The following FAR1 variants were observed in gnomAD, a reference collection of about 807,000 sequenced individuals.
FAR1 encodes the protein fatty acyl-CoA reductase 1.
FAR1 carries 22 observed loss-of-function variants against 61.1 expected under a neutral mutation model. That is an observed-to-expected ratio of 0.36 (90% CI 0.26 to 0.51). The LOEUF is 0.51. FAR1 is among the 20% of genes least tolerant of loss of function. FAR1 has a pLI of 0.95. For missense variants in FAR1, 359 were observed against 626.9 expected, an observed-to-expected ratio of 0.57 and a Z score of 4.56; for synonymous variants, 206 against 209.7, an observed-to-expected ratio of 0.98 and a Z score of 0.15.
chr11:13,728,651 G>T lies in FAR1; in HGVS notation c.1425G>T (p.Val475=). 6.2e-7 allele frequency: 1 copy of T among 1,612,226 alleles called. No homozygotes were observed. Among genetic ancestry groups the T allele is most frequent in the Non-Finnish European group, 8.5e-7 (1 of 1,178,686 alleles). ...NIRYGFNTIL[V]ILIWRIFIAR... is the part of the protein sequence containing the mutation. ...GTTATGGTTTTAATACTATCCTTGTGATCCTCATCTGGCGCATTTTTATTG... is the reference window on the plus strand; with the variant it reads ...GTTATGGTTTTAATACTATCCTTGTTATCCTCATCTGGCGCATTTTTATTG... Residue 475 remains valine (V), a synonymous_variant, in exon 12 of 12, where the codon GTG becomes GTT. Coordinates refer to ENST00000354817, the MANE Select transcript of FAR1 (RefSeq NM_032228.6).
intron 3 of FAR1, among the ~76,000 whole-genome samples, chr11:13,707,075 A>C (rs546011067): frequency 1.3e-5 from 2 of 152,312 alleles, no homozygotes; most frequent in Admixed American, 1.3e-4. Context: ...ATAGACTTCA[A>C]ATAATTATTT....
At chr11:13,700,212 A>G (rs1848354568) in intron 2 of FAR1, 105 bp from the exon 3 acceptor site, 2 of 809,240 alleles carry the variant, frequency 2.5e-6, no homozygotes, top group Non-Finnish European at 3.9e-6. Flanking sequence ...GTATAGTTTA[A>G]GTTTCTAAAA....
chr11:13,720,347 A>C (rs1393835078), intron 9 of FAR1: 2 of 152,198 alleles, frequency 1.3e-5, no homozygotes, highest in African/African-American at 4.8e-5. Flanking sequence ...ATGTAGTGAC[A>C]AACTTGTTGT....
chr11:13,688,454 T>C lies in FAR1; in HGVS notation c.-7-6305T>C, dbSNP rs528630737. On this transcript the variant is annotated intron_variant, in intron 1 of 11. Coordinates refer to ENST00000354817, the MANE Select transcript of FAR1 (RefSeq NM_032228.6). ...GCTGTTTAGGCTTTGGTAGGGCAGA[T>C]GTCTTGATAACTGAAGGAAGTACAT... Among the ~76,000 whole-genome samples the C allele has an allele frequency of 5.3e-5, 8 of 152,270 alleles. No individual in the cohort carries two copies. The East Asian group carries it at 1.5e-3, about 29-fold the overall frequency.
intron 3 of FAR1, among the ~76,000 whole-genome samples, chr11:13,701,271 A>T (rs1319495876): frequency 6.6e-6 from 1 of 151,924 alleles, no homozygotes; most frequent in Admixed American, 6.5e-5. Context: ...AATAACTAAA[A>T]GGAGGATATT....
At chr11:13,678,569 A>T (rs1162456129) in intron 1 of FAR1, among the ~76,000 whole-genome samples, 3 of 152,096 alleles carry the variant, frequency 2.0e-5, no homozygotes, top group African/African-American at 7.2e-5. Flanking sequence ...ATGCTTTCTA[A>T]ATCATTTATA....
chr11:13,682,752 G>A (rs897073532), intron 1 of FAR1, among the ~76,000 whole-genome samples: 9 of 151,986 alleles, frequency 5.9e-5, no homozygotes, highest in African/African-American at 1.5e-4. Flanking sequence ...AGAATCACAG[G>A]TGTGCACCAC....
At position 13,727,574 on chromosome 11, in the gene FAR1, C is replaced by T. The variant is rs1271953718; in HGVS notation, c.1276C>T (p.Arg426Trp). 1.1e-5 allele frequency: 17 copies of T among 1,605,704 alleles called. No homozygotes were observed. Among genetic ancestry groups the T allele is most frequent in the Non-Finnish European group, 1.3e-5 (15 of 1,175,594 alleles). ...AACGTAGACCTTCAATATTGATGTA[C>T]GGCAGTTACATTGGGCAGAATATAT... ...EDKKTFNIDV[R>W]QLHWAEYIEN... Residue 426 changes from arginine (R) to tryptophan (W), a missense_variant, in exon 11 of 12, where the codon CGG becomes TGG. Coordinates refer to ENST00000354817, the MANE Select transcript of FAR1 (RefSeq NM_032228.6).
intron 1 of FAR1, among the ~76,000 whole-genome samples, chr11:13,676,012 G>A (rs1244439126): frequency 2.6e-5 from 4 of 152,106 alleles, no homozygotes; most frequent in African/African-American, 9.7e-5. Context: ...AAAAATGTAC[G>A]TTCAAATATC....
chr11:13,718,642 AT>A (rs1260357634), intron 9 of FAR1, among the ~76,000 whole-genome samples: 1 of 152,186 alleles, frequency 6.6e-6, no homozygotes, highest in Non-Finnish European at 1.5e-5. Context: ...AGATTTGTTA[AT>A]CTGTTTTACA....
At chr11:13,701,233 A>T (rs1202263737) in intron 3 of FAR1, among the ~76,000 whole-genome samples, 2 of 152,080 alleles carry the variant, frequency 1.3e-5, no homozygotes, top group African/African-American at 2.4e-5. Context: ...GAAATGTAAA[A>T]TGTTGTCTTT....
intron 1 of FAR1, among the ~76,000 whole-genome samples, chr11:13,680,805 C>T (rs1167522810): frequency 6.6e-6 from 1 of 152,182 alleles, no homozygotes; most frequent in East Asian, 1.9e-4. Context: ...CAGATTTCAA[C>T]ATGAGACTTG....
At chr11:13,673,703 A>G (rs1483964807) in intron 1 of FAR1, among the ~76,000 whole-genome samples, 1 of 152,226 alleles carries the variant, frequency 6.6e-6, no homozygotes, top group Non-Finnish European at 1.5e-5. Flanking sequence ...TTCTTGCTTT[A>G]GAGATGTATG....
At chr11:13,682,360 C>G (rs1260399113) in intron 1 of FAR1, among the ~76,000 whole-genome samples, 4 of 152,110 alleles carry the variant, frequency 2.6e-5, no homozygotes, top group Admixed American at 2.6e-4. Flanking sequence ...TTGTTTAAAA[C>G]AGAGGTTGGC....
chr11:13,691,250 C>T (rs1440698702), intron 1 of FAR1, among the ~76,000 whole-genome samples: 2 of 152,192 alleles, frequency 1.3e-5, no homozygotes, highest in Admixed American at 6.5e-5. Flanking sequence ...CAAACTAGCA[C>T]AATGTTGAGT....
chr11:13,728,522 T>G (rs1591274972), intron 11 of FAR1, 90 bp from the exon 12 acceptor site: 1 of 1,170,850 alleles, frequency 8.5e-7, no homozygotes, highest in East Asian at 2.4e-5. Flanking sequence ...ATTTGAGCTT[T>G]GATTAAAAAC....
At chr11:13,674,137 C>T (rs1245087672) in intron 1 of FAR1, among the ~76,000 whole-genome samples, 1 of 151,596 alleles carries the variant, frequency 6.6e-6, no homozygotes, top group Non-Finnish European at 1.5e-5. Flanking sequence ...TGGTGAAAAC[C>T]CCATCTAGTA....
intron 1 of FAR1, among the ~76,000 whole-genome samples, chr11:13,674,306 C>T (rs1848041828): frequency 1.4e-5 from 2 of 142,000 alleles, no homozygotes; most frequent in Admixed American, 1.4e-4. Context: ...AAGACTCCGT[C>T]TCAAAAAAAA....
At position 13,686,004 on chromosome 11, in the gene FAR1, C is replaced by T. The variant is rs566330646; in HGVS notation, c.-7-8755C>T. Among the ~76,000 whole-genome samples, 5 of 152,246 alleles carry T rather than the reference C, an allele frequency of 3.3e-5. 1 individual carries two copies. The South Asian group carries it at 6.2e-4, about 19-fold the overall frequency. On this transcript the variant is annotated intron_variant, in intron 1 of 11. Coordinates refer to ENST00000354817, the MANE Select transcript of FAR1 (RefSeq NM_032228.6). Reference sequence around the variant, plus strand: ...CACTTTCTCTGAACTTCTCTTCTAGCGCTGTGCACTCAATTCTCATTCATG... The same window carrying T: ...CACTTTCTCTGAACTTCTCTTCTAGTGCTGTGCACTCAATTCTCATTCATG...
Sources: gnomAD v4.1 joint callset for allele counts (sites outside exome capture counted in the v4.1 genomes callset) on GRCh38, gnomAD v4.1.1 for gene constraint, MANE v1.5 for transcripts, NCBI Gene and HGNC (gene_info 2026-07-23, HGNC 2026-07-21) for gene names.